Variants in SPARCL1 observed in about 807,000 individuals in gnomAD.
SPARCL1 encodes the protein SPARC like 1.
Under a neutral mutation model 67.1 loss-of-function variants are expected in SPARCL1, and 52 were observed. The ratio of observed to expected loss-of-function variants is 0.78; its 90% CI spans 0.62 to 0.98. The LOEUF (loss-of-function observed/expected upper bound fraction) is 0.98, where lower values mean the gene tolerates loss of function less well. Ranked by LOEUF, SPARCL1 falls within the 50% of genes least tolerant of loss-of-function variation. The pLI is 0.00. For synonymous variants in SPARCL1, 226 were observed against 267.8 expected, an observed-to-expected ratio of 0.84 and a Z score of 1.52; for missense variants, 717 against 782.4, an observed-to-expected ratio of 0.92 and a Z score of 1.00.
intron 1 of SPARCL1, among the ~76,000 whole-genome samples, chr4:87,523,268 A>G (rs1725900952): frequency 1.3e-5 from 2 of 151,662 alleles, no homozygotes; most frequent in African/African-American, 2.4e-5. Flanking sequence ...CTCAAAAAAA[A>G]AAAAAATCTC....
intron 2 of SPARCL1, among the ~76,000 whole-genome samples, chr4:87,498,225 TC>T (rs1334308894): frequency 2.6e-5 from 4 of 152,210 alleles, no homozygotes; most frequent in Non-Finnish European, 4.4e-5. Flanking sequence ...CTAGAGTAGC[TC>T]CATACTACTT....
chr4:87,510,239 T>C (rs1725291121), intron 1 of SPARCL1, among the ~76,000 whole-genome samples: 1 of 152,032 alleles, frequency 6.6e-6, no homozygotes, highest in African/African-American at 2.4e-5. Flanking sequence ...CCGATTCTGT[T>C]CAGTGGCGTC....
At position 87,494,567 on chromosome 4, in the gene SPARCL1, T is replaced by G. The variant is rs748098755; in HGVS notation, c.233A>C (p.Glu78Ala). 1.3e-5 allele frequency: 21 copies of G among 1,609,722 alleles called. No individual in the cohort carries two copies. Among genetic ancestry groups the G allele is most frequent in the Non-Finnish European group, 8.5e-7 (1 of 1,178,896 alleles). ...TTCTGCTGACTGTTCATGGCTTTCC[T>G]CTTTTGACTTTAGTACTGATGATTT... ...AEKSSVLKSK[E>A]ESHEQSAEQG... Residue 78 changes from glutamate (E) to alanine (A), a missense_variant, in exon 4 of 11, where the codon GAG becomes GCG. Glu to Ala is a moderately radical substitution (Grantham distance 107). Coordinates refer to ENST00000282470, the MANE Select transcript of SPARCL1 (RefSeq NM_004684.6).
chr4:87,479,465 A>G lies in SPARCL1; in HGVS notation c.1931T>C (p.Leu644Pro). The change falls in exon 10 of 11, where the codon CTG becomes CCG. Residue 644 changes from leucine (L) to proline (P), a missense_variant. Physicochemically the swap from Leu to Pro is moderately conservative, Grantham distance 98 (BLOSUM62 -3). Coordinates refer to ENST00000282470, the MANE Select transcript of SPARCL1 (RefSeq NM_004684.6). Reference protein sequence around the residue: ...CDPNKDKHITLKEWGHCFGIK... With the variant: ...CDPNKDKHITPKEWGHCFGIK... The stretch of plus-strand genomic sequence containing the variant: ...TCCAAAGCAGTGGCCCCACTCCTTC[A>G]GGGTGATGTGCTTATCCTTGTTGGG... 6.2e-7 allele frequency: 1 copy of G among 1,614,012 alleles called. No homozygotes were observed. Among genetic ancestry groups the G allele is most frequent in the South Asian group, 1.1e-5 (1 of 91,058 alleles).
chr4:87,507,757 A>G (rs1047766687), intron 1 of SPARCL1, among the ~76,000 whole-genome samples: 1 of 152,208 alleles, frequency 6.6e-6, no homozygotes, highest in African/African-American at 2.4e-5. Flanking sequence ...CTCACAAGAC[A>G]TCTTCCCTTT....
Position 87,482,441 on chromosome 4 carries a change from C to T in SPARCL1, c.1651G>A (p.Glu551Lys), listed in dbSNP as rs779765120. Reference sequence around the variant, plus strand: ...TAACTTACTTTATTTCTCTGCTTCTCATTTAGATAACCAGCGTGTTCAGAG... The same window carrying T: ...TAACTTACTTTATTTCTCTGCTTCTTATTTAGATAACCAGCGTGTTCAGAG... The part of the protein sequence containing the change: ...ANSEHAGYLN[E>K]KQRNKVKKIY... Residue 551 changes from glutamate (E) to lysine (K), a missense_variant, in exon 8 of 11, where the codon GAG (glutamate) becomes AAG (lysine). Glu to Lys is a moderately conservative substitution (Grantham distance 56, BLOSUM62 1). Coordinates refer to ENST00000282470, the MANE Select transcript of SPARCL1 (RefSeq NM_004684.6). 2.5e-6 allele frequency: 4 copies of T among 1,613,728 alleles called. No individual in the cohort carries two copies. The highest frequency in any genetic ancestry group is 2.5e-6 in the Non-Finnish European group (3 of 1,179,870).
intron 1 of SPARCL1, among the ~76,000 whole-genome samples, chr4:87,525,722 A>G (rs1726011010): frequency 6.6e-6 from 1 of 152,206 alleles, no homozygotes; most frequent in African/African-American, 2.4e-5. Context: ...TTGGTTGTGT[A>G]ATAGGAAGGA....
At chr4:87,493,447 G>T in intron 4 of SPARCL1, 135 bp downstream of exon 4, 1 of 725,582 alleles carries the variant, frequency 1.4e-6, no homozygotes, top group Non-Finnish European at 2.1e-6. Context: ...GACCTAAAAA[G>T]AAATAACTGT....
At chr4:87,505,724 G>GGTTTTTTTTTTTT (rs55992030) in intron 1 of SPARCL1, among the ~76,000 whole-genome samples, 2 of 141,112 alleles carry the variant, frequency 1.4e-5, no homozygotes. Flanking sequence ...TCAGCTAATT[G>GGTTTTTTTTTTTT]TTTTTTTTTT....
chr4:87,486,888 C>T (rs1418673753), intron 7 of SPARCL1, among the ~76,000 whole-genome samples: 6 of 28,000 alleles, frequency 2.1e-4, no homozygotes, highest in Admixed American at 4.6e-4. Context: ...GCAATTCCTG[C>T]TTTTTTTTTT....
At chr4:87,510,656 C>T (rs1022419212) in intron 1 of SPARCL1, among the ~76,000 whole-genome samples, 1 of 152,180 alleles carries the variant, frequency 6.6e-6, no homozygotes, top group Non-Finnish European at 1.5e-5. Context: ...AAAAATTCTC[C>T]ACATTCGCCA....
chr4:87,522,376 C>T (rs1400027304), intron 1 of SPARCL1, among the ~76,000 whole-genome samples: 1 of 151,840 alleles, frequency 6.6e-6, no homozygotes, highest in Admixed American at 6.6e-5. Flanking sequence ...CCTGTTGGGG[C>T]TTTGAGACTA....
At chr4:87,519,724 G>C (rs928943694) in intron 1 of SPARCL1, among the ~76,000 whole-genome samples, 2 of 152,080 alleles carry the variant, frequency 1.3e-5, no homozygotes, top group African/African-American at 4.8e-5. Context: ...ATAGAATGTG[G>C]TTAGTAATTT....
At chr4:87,501,909 CAACAGTGTGTCTATCATTCTGGG>C (rs1372271593) in intron 1 of SPARCL1, among the ~76,000 whole-genome samples, 1 of 151,452 alleles carries the variant, frequency 6.6e-6, no homozygotes, top group Admixed American at 6.6e-5. Context: ...CTCTTCTCTT[CAACAGTGTGTCTATCATTCTGGG>C]AAACTTTCTC....
At chr4:87,507,903 A>C (rs1421176436) in intron 1 of SPARCL1, among the ~76,000 whole-genome samples, 2 of 152,200 alleles carry the variant, frequency 1.3e-5, no homozygotes, top group African/African-American at 2.4e-5. Context: ...ACCTACTTAG[A>C]TTTACTGGTT....
chr4:87,482,932 A>C (rs1354852863), intron 7 of SPARCL1, among the ~76,000 whole-genome samples: 2 of 152,150 alleles, frequency 1.3e-5, no homozygotes, highest in African/African-American at 4.8e-5. Context: ...AGAAAAAGGT[A>C]GCTATTAGCT....
chr4:87,521,979 G>T (rs1351575977), intron 1 of SPARCL1, among the ~76,000 whole-genome samples: 3 of 152,190 alleles, frequency 2.0e-5, no homozygotes, highest in Non-Finnish European at 4.4e-5. Context: ...GAACGTTCCT[G>T]TTCACCTTGT....
At chr4:87,481,770 G>A (rs936633392) in intron 8 of SPARCL1, among the ~76,000 whole-genome samples, 1 of 152,054 alleles carries the variant, frequency 6.6e-6, no homozygotes, top group Non-Finnish European at 1.5e-5. Flanking sequence ...TTGCATATAT[G>A]CATATATATG....
At chr4:87,518,686 T>C (rs1050658552) in intron 1 of SPARCL1, among the ~76,000 whole-genome samples, 2 of 152,266 alleles carry the variant, frequency 1.3e-5, no homozygotes, top group Admixed American at 6.5e-5. Flanking sequence ...TAGGAAATTA[T>C]TGAAAAGTTT....
Sources: allele counts gnomAD v4.1 joint callset (sites outside exome capture counted in the v4.1 genomes callset), GRCh38; gene constraint gnomAD v4.1.1; transcripts MANE v1.5; gene names NCBI Gene and HGNC (gene_info 2026-07-23, HGNC 2026-07-21).